The following APBA2 variants were observed in gnomAD, a reference collection of about 807,000 sequenced individuals.
APBA2 encodes amyloid-beta A4 precursor protein-binding family A member 2.
In APBA2, 30 loss-of-function variants were observed where a neutral mutation model predicts 75.0. The observed-to-expected ratio is 0.40, with a 90% CI of 0.30 to 0.54. The LOEUF (loss-of-function observed/expected upper bound fraction) is 0.54, where lower values mean the gene tolerates loss of function less well. Among genes scored for constraint, APBA2 ranks in the 20% least tolerant of loss-of-function variants. The pLI, the probability that APBA2 is intolerant of heterozygous loss-of-function variation, is 0.49. For missense variants in APBA2, 801 were observed against 1,016.1 expected (o/e 0.79, Z 2.88); for synonymous variants, 444 against 409.6 (o/e 1.08, Z -1.01).
At chr15:29,061,306 C>T (rs1197154586) in intron 4 of APBA2, among the ~76,000 whole-genome samples, 2 of 152,216 alleles carry the variant, frequency 1.3e-5, no homozygotes, top group African/African-American at 4.8e-5. Flanking sequence ...TAGAGACTTA[C>T]TCCTTTGGAC....
chr15:28,897,543 G>A (rs907322596), intron 1 of APBA2, among the ~76,000 whole-genome samples: 5 of 149,304 alleles, frequency 3.3e-5, no homozygotes, highest in Middle Eastern at 3.5e-3. Flanking sequence ...ACCTGAACCC[G>A]GGAGGTGGAG....
intron 1 of APBA2, among the ~76,000 whole-genome samples, chr15:28,893,164 CAG>C (rs2032246554): frequency 6.6e-6 from 1 of 152,190 alleles, no homozygotes; most frequent in Non-Finnish European, 1.5e-5. Context: ...CGTCACTGCT[CAG>C]AGTTTGTCTT....
chr15:28,925,942 T>C (rs936039746), intron 2 of APBA2, among the ~76,000 whole-genome samples: 2 of 152,200 alleles, frequency 1.3e-5, no homozygotes, highest in African/African-American at 4.8e-5. Flanking sequence ...TCTTTATCCC[T>C]GATAATTTTC....
chr15:28,906,704 A>G (rs1458640320), intron 1 of APBA2, among the ~76,000 whole-genome samples: 1 of 152,214 alleles, frequency 6.6e-6, no homozygotes, highest in Non-Finnish European at 1.5e-5. Context: ...ATGTGGGTAT[A>G]AAGTGATAGC....
chr15:28,955,583 A>G (rs907645549), intron 2 of APBA2, among the ~76,000 whole-genome samples: 3 of 152,264 alleles, frequency 2.0e-5, no homozygotes, highest in African/African-American at 4.8e-5. Context: ...GTTCAGGGAA[A>G]TGCATCTTTT....
chr15:29,021,358 T>A (rs2039945768), intron 3 of APBA2, among the ~76,000 whole-genome samples: 1 of 151,958 alleles, frequency 6.6e-6, no homozygotes, highest in Non-Finnish European at 1.5e-5. Context: ...TGAAACCCCG[T>A]CTCTACTAAA....
intron 3 of APBA2, among the ~76,000 whole-genome samples, chr15:29,018,188 G>T (rs977499751): frequency 6.6e-6 from 1 of 152,162 alleles, no homozygotes; most frequent in Non-Finnish European, 1.5e-5. Flanking sequence ...TATTGATAGA[G>T]ATCGGTAGGT....
At chr15:28,975,417 C>A (rs1262346916) in intron 2 of APBA2, among the ~76,000 whole-genome samples, 1 of 152,100 alleles carries the variant, frequency 6.6e-6, no homozygotes, top group African/African-American at 2.4e-5. Flanking sequence ...TAGAGAGAAC[C>A]CTTTAAAAAT....
intron 14 of APBA2, among the ~76,000 whole-genome samples, chr15:29,115,088 G>A (rs1017389363): frequency 6.6e-6 from 1 of 152,000 alleles, no homozygotes; most frequent in African/African-American, 2.4e-5. Flanking sequence ...GCCGCACGAG[G>A]CGGGAGGCTG....
chr15:28,952,220 A>G (rs775346267), intron 2 of APBA2, among the ~76,000 whole-genome samples: 1 of 152,132 alleles, frequency 6.6e-6, no homozygotes, highest in South Asian at 2.1e-4. Context: ...AACAAAAAAG[A>G]CTTGGAAGGC....
At position 28,995,138 on chromosome 15, in the gene APBA2, C is replaced by G. The variant is rs942815059; in HGVS notation, c.-94-615C>G. Among the ~76,000 whole-genome samples the G allele has an allele frequency of 3.5e-4, 54 of 152,308 alleles. 1 individual carries two copies. Among genetic ancestry groups the G allele is most frequent in the Admixed American group, 1.3e-3 (20 of 15,294 alleles). Reference sequence around the variant, plus strand: ...CCAACCCAAGGGCCTGGCCTTGAAACCCCCGAGCCTGCTGGCAGTAGCTTC... The same window carrying G: ...CCAACCCAAGGGCCTGGCCTTGAAAGCCCCGAGCCTGCTGGCAGTAGCTTC... On this transcript the variant is annotated intron_variant, in intron 2 of 14. Coordinates refer to ENST00000683413, the MANE Select transcript of APBA2 (RefSeq NM_001353788.2).
intron 2 of APBA2, among the ~76,000 whole-genome samples, chr15:28,953,660 A>G (rs1312222495): frequency 6.6e-6 from 1 of 152,072 alleles, no homozygotes; most frequent in Non-Finnish European, 1.5e-5. Context: ...TTCCCATGTG[A>G]CTGACCAGCA....
At chr15:29,023,289 T>C (rs1428163690) in intron 3 of APBA2, among the ~76,000 whole-genome samples, 1 of 152,124 alleles carries the variant, frequency 6.6e-6, no homozygotes, top group Non-Finnish European at 1.5e-5. Flanking sequence ...GGGGATACTT[T>C]TATGGCGTCA....
At chr15:28,890,736 C>CA (rs1244897370) in intron 1 of APBA2, among the ~76,000 whole-genome samples, 6 of 152,212 alleles carry the variant, frequency 3.9e-5, no homozygotes, top group African/African-American at 1.2e-4. Context: ...GCAATACACG[C>CA]ACGAGGCCTC....
chr15:29,018,613 G>A (rs2039796969), intron 3 of APBA2, among the ~76,000 whole-genome samples: 1 of 152,180 alleles, frequency 6.6e-6, no homozygotes, highest in South Asian at 2.1e-4. Flanking sequence ...CCACTGAGCA[G>A]CCCCTGGCTA....
chr15:29,042,259 C>G (rs1354454421), intron 3 of APBA2, among the ~76,000 whole-genome samples: 2 of 152,074 alleles, frequency 1.3e-5, no homozygotes, highest in African/African-American at 4.8e-5. Flanking sequence ...TGCAGTAATC[C>G]CCTTCCTCTC....
chr15:29,107,388 G>A (rs945913259), intron 12 of APBA2, among the ~76,000 whole-genome samples: 2 of 152,172 alleles, frequency 1.3e-5, no homozygotes, highest in Non-Finnish European at 1.5e-5. Flanking sequence ...GGCCGCCTGC[G>A]AAGGAATGGG....
chr15:28,944,812 TGAA>T (rs2035449513), intron 2 of APBA2, among the ~76,000 whole-genome samples: 1 of 152,216 alleles, frequency 6.6e-6, no homozygotes. Flanking sequence ...TGGTTTGGGA[TGAA>T]GCCCTGCAGA....
intron 1 of APBA2, among the ~76,000 whole-genome samples, chr15:28,910,220 T>C (rs1355668253): frequency 6.6e-6 from 1 of 152,150 alleles, no homozygotes; most frequent in Non-Finnish European, 1.5e-5. Flanking sequence ...CTCCTTTTTT[T>C]AGGGCCATGT....
Sources: gnomAD v4.1 joint callset for allele counts (sites outside exome capture counted in the v4.1 genomes callset) on GRCh38, gnomAD v4.1.1 for gene constraint, MANE v1.5 for transcripts, NCBI Gene and HGNC (gene_info 2026-07-23, HGNC 2026-07-21) for gene names.